The following HDAC9 variants were observed in gnomAD, a reference collection of about 807,000 sequenced individuals.
HDAC9 encodes the protein MEF-2 interacting transcription repressor (MITR) protein.
A neutral mutation model predicts 139.4 loss-of-function variants in HDAC9; 41 were observed. The observed-to-expected ratio is 0.29, with a 90% CI of 0.23 to 0.38. The LOEUF is 0.38. Among genes scored for constraint, HDAC9 ranks in the 10% least tolerant of loss-of-function variants. The pLI, the probability that HDAC9 is intolerant of heterozygous loss-of-function variation, is 1.00. For missense variants in HDAC9, 1,147 were observed against 1,297.0 expected (o/e 0.88, Z 1.78); for synonymous variants, 517 against 476.2 (o/e 1.09, Z -1.12).
At chr7:18,597,319 C>A (rs1244896429) in intron 6 of HDAC9, among the ~76,000 whole-genome samples, 1 of 152,120 alleles carries the variant, frequency 6.6e-6, no homozygotes, top group Non-Finnish European at 1.5e-5. Context: ...ATTGCCCACA[C>A]TTAAAGTAGT....
intron 13 of HDAC9, among the ~76,000 whole-genome samples, chr7:18,748,647 A>C (rs1216656506): frequency 6.6e-6 from 1 of 152,200 alleles, no homozygotes; most frequent in African/African-American, 2.4e-5. Flanking sequence ...CCTCTACTGA[A>C]TTAAATTATC....
chr7:18,694,906 C>T (rs1300133721), intron 12 of HDAC9, among the ~76,000 whole-genome samples: 4 of 152,126 alleles, frequency 2.6e-5, no homozygotes, highest in Non-Finnish European at 5.9e-5. Flanking sequence ...GATATTTCCT[C>T]CCTCCTACTC....
intron 2 of HDAC9, among the ~76,000 whole-genome samples, chr7:18,582,106 G>A (rs1828016947): frequency 6.6e-6 from 1 of 152,118 alleles, no homozygotes; most frequent in Non-Finnish European, 1.5e-5. Context: ...AGTATATGAA[G>A]CCTTAACATC....
intron 1 of HDAC9, chr7:18,087,361 C>A (rs976994458): frequency 6.6e-6 from 1 of 152,248 alleles, no homozygotes; most frequent in Non-Finnish European, 1.5e-5. Context: ...ATGCCACTTG[C>A]CTTGCATCTC....
intron 21 of HDAC9, among the ~76,000 whole-genome samples, chr7:18,859,795 TAAAGGCTA>T (rs1418419921): frequency 7.9e-6 from 1 of 126,784 alleles, no homozygotes; most frequent in Non-Finnish European, 1.6e-5. Context: ...AGAAGAAATA[TAAAGGCTA>T]ACGCTCTCAT....
intron 12 of HDAC9, among the ~76,000 whole-genome samples, chr7:18,702,546 A>G (rs1008973886): frequency 6.6e-6 from 1 of 152,212 alleles, no homozygotes; most frequent in African/African-American, 2.4e-5. Context: ...GATCAGAATC[A>G]AAAACACTTT....
intron 1 of HDAC9, among the ~76,000 whole-genome samples, chr7:18,092,412 T>TTA (rs1554296489): frequency 8.5e-6 from 1 of 117,456 alleles, no homozygotes; most frequent in African/African-American, 2.9e-5. Flanking sequence ...TTTTTTTTTT[T>TTA]AAAAAAAAGA....
In HDAC9 at chr7:18,748,991, C is replaced by G. The variant is rs747038698; in HGVS notation, c.1910-14C>G. ...TGTTACTCAATCTTGTCCTGTATTT[C>G]CCTTGTCTTAAAGGAATTGCCTATG... is the stretch of plus-strand genomic sequence containing the variant. On this transcript the variant is annotated splice_polypyrimidine_tract_variant and intron_variant, in intron 13 of 25. Coordinates refer to ENST00000686413, the MANE Select transcript of HDAC9 (RefSeq NM_178425.4). 19 of 1,612,188 alleles carry G rather than the reference C, an allele frequency of 1.2e-5. No individual in the cohort carries two copies. Among genetic ancestry groups the G allele is most frequent in the Non-Finnish European group, 1.6e-5 (19 of 1,178,880 alleles).
chr7:18,877,719 A>G (rs981547528), intron 22 of HDAC9, among the ~76,000 whole-genome samples: 1 of 152,218 alleles, frequency 6.6e-6, no homozygotes, highest in Non-Finnish European at 1.5e-5. Context: ...ATTGAAAAAT[A>G]ATAATAAAAG....
At chr7:18,851,967 G>C (rs542754145) in intron 21 of HDAC9, among the ~76,000 whole-genome samples, 20 of 152,342 alleles carry the variant, frequency 1.3e-4, no homozygotes, top group African/African-American at 4.8e-4. Flanking sequence ...AGGTGCCTGT[G>C]TGGGAAATAC....
intron 24 of HDAC9, among the ~76,000 whole-genome samples, chr7:18,957,345 CAG>C (rs1783223568): frequency 6.6e-6 from 1 of 152,110 alleles, no homozygotes; most frequent in Admixed American, 6.6e-5. Flanking sequence ...GTGGGTATTT[CAG>C]AGTCTTAAAC....
chr7:18,727,430 C>G, intron 12 of HDAC9, 150 bp from the exon 13 acceptor site: 7 of 643,946 alleles, frequency 1.1e-5, no homozygotes, highest in Non-Finnish European at 1.5e-5. Context: ...CTTGTTTTTT[C>G]TCTCCCTTTC....
At chr7:18,895,013 C>T (rs67342505) in intron 22 of HDAC9, among the ~76,000 whole-genome samples, 30 of 151,818 alleles carry the variant, frequency 2.0e-4, no homozygotes, top group Non-Finnish European at 8.8e-5. Context: ...ACTGAGAATT[C>T]GAATGGGCAA....
In HDAC9 at chr7:18,450,940, C is replaced by T. The variant is rs571911681; in HGVS notation, c.-41-45322C>T. ...AGAGTAGTAGATGTCAAATGTCATA[C>T]GTGTTTCTACATGGATATATGTTCA... On this transcript the variant is annotated intron_variant, in intron 1 of 3. Transcript: ENST00000413509. 4.6e-5 allele frequency among the ~76,000 whole-genome samples: 7 copies of T among 152,248 alleles called. No homozygotes were observed. In the South Asian group the frequency reaches 1.0e-3, roughly 23 times the overall value.
intron 2 of HDAC9, among the ~76,000 whole-genome samples, chr7:18,266,811 CT>C (rs1349585631): frequency 6.6e-6 from 1 of 152,104 alleles, no homozygotes; most frequent in Non-Finnish European, 1.5e-5. Flanking sequence ...CATATAACAT[CT>C]TAGTCTTCTT....
intron 1 of HDAC9, among the ~76,000 whole-genome samples, chr7:18,141,548 A>G (rs772170655): frequency 2.6e-5 from 4 of 152,176 alleles, no homozygotes; most frequent in Non-Finnish European, 4.4e-5. Flanking sequence ...TCATGATGCC[A>G]GGGTACTTGT....
intron 2 of HDAC9, among the ~76,000 whole-genome samples, chr7:18,568,018 A>ATGTGTG (rs1415079443): frequency 1.1e-5 from 1 of 87,006 alleles, no homozygotes; most frequent in African/African-American, 4.6e-5. Flanking sequence ...TACAGGATAT[A>ATGTGTG]TGTATATGTA....
At chr7:18,435,577 A>G (rs1791117064) in intron 1 of HDAC9, among the ~76,000 whole-genome samples, 1 of 152,008 alleles carries the variant, frequency 6.6e-6, no homozygotes, top group African/African-American at 2.4e-5. Flanking sequence ...CATAGTCTAC[A>G]TAGCCATTGA....
intron 6 of HDAC9, among the ~76,000 whole-genome samples, chr7:18,611,454 A>G (rs1023077183): frequency 1.3e-5 from 2 of 152,148 alleles, no homozygotes; most frequent in Non-Finnish European, 1.5e-5. Flanking sequence ...TATTAACTCT[A>G]TGCAATAATC....
Sources: gnomAD v4.1 joint callset for allele counts (sites outside exome capture counted in the v4.1 genomes callset) on GRCh38, gnomAD v4.1.1 for gene constraint, MANE v1.5 for transcripts, NCBI Gene and HGNC (gene_info 2026-07-23, HGNC 2026-07-21) for gene names.